Variants in ANO2 observed in about 807,000 individuals in gnomAD.
The protein encoded by ANO2 is anoctamin 2, also known as anoctamin-2.
Under a neutral mutation model 124.2 loss-of-function variants are expected in ANO2, and 101 were observed. The ratio of observed to expected loss-of-function variants is 0.81; its 90% CI spans 0.69 to 0.96. The LOEUF (loss-of-function observed/expected upper bound fraction) is 0.96, where lower values mean the gene tolerates loss of function less well. ANO2 is among the 40% of genes least tolerant of loss of function. ANO2 has a pLI of 0.00. For synonymous variants in ANO2, 486 were observed against 482.5 expected (o/e 1.01, Z -0.09); for missense variants, 1,293 against 1,274.5 (o/e 1.01, Z -0.22).
At chr12:5,914,016 A>G (rs1323138883) in intron 3 of ANO2, among the ~76,000 whole-genome samples, 2 of 152,170 alleles carry the variant, frequency 1.3e-5, no homozygotes, top group Non-Finnish European at 2.9e-5. Context: ...CCTCAGCAAC[A>G]TGGTGAAACC....
At chr12:5,681,161 G>C (rs1392950898) in intron 14 of ANO2, among the ~76,000 whole-genome samples, 1 of 152,184 alleles carries the variant, frequency 6.6e-6, no homozygotes, top group African/African-American at 2.4e-5. Context: ...GCAGGAAAGA[G>C]ACTCCAGGTA....
chr12:5,890,045 ATTT>A (rs111396649), intron 3 of ANO2, among the ~76,000 whole-genome samples: 8 of 144,302 alleles, frequency 5.5e-5, no homozygotes, highest in African/African-American at 1.2e-4. Context: ...TTAAAATTCC[ATTT>A]TTTTTTTTTT....
At chr12:5,725,351 C>G (rs1283203400) in intron 14 of ANO2, among the ~76,000 whole-genome samples, 2 of 152,232 alleles carry the variant, frequency 1.3e-5, no homozygotes, top group East Asian at 1.9e-4. Flanking sequence ...CCCCGATAGC[C>G]TCTCCAACCT....
chr12:5,724,254 C>T (rs187311898), intron 14 of ANO2, among the ~76,000 whole-genome samples: 1 of 152,038 alleles, frequency 6.6e-6, no homozygotes, highest in African/African-American at 2.4e-5. Context: ...CCTTTGCCAA[C>T]GAGAAACCCT....
chr12:5,750,195 A>G (rs1394332121), intron 11 of ANO2, among the ~76,000 whole-genome samples: 1 of 151,984 alleles, frequency 6.6e-6, no homozygotes, highest in African/African-American at 2.4e-5. Flanking sequence ...TTGGCCTCCC[A>G]AAGCACTGGG....
At chr12:5,611,267 C>A (rs1944533715) in intron 19 of ANO2, among the ~76,000 whole-genome samples, 1 of 152,146 alleles carries the variant, frequency 6.6e-6, no homozygotes, top group Non-Finnish European at 1.5e-5. Flanking sequence ...CCACACCTGG[C>A]CAGAAACCTC....
At chr12:5,896,098 T>C (rs1339443099) in intron 3 of ANO2, among the ~76,000 whole-genome samples, 1 of 151,912 alleles carries the variant, frequency 6.6e-6, no homozygotes, top group African/African-American at 2.4e-5. Context: ...CACAAAGACA[T>C]AGGAATCATA....
intron 1 of ANO2, among the ~76,000 whole-genome samples, chr12:5,934,315 C>T (rs1942557701): frequency 6.6e-6 from 1 of 152,174 alleles, no homozygotes; most frequent in Non-Finnish European, 1.5e-5. Context: ...AAATGGCCAA[C>T]ATTACTTGGT....
intron 14 of ANO2, among the ~76,000 whole-genome samples, chr12:5,714,657 C>A (rs1949949053): frequency 6.6e-6 from 1 of 152,136 alleles, no homozygotes; most frequent in Non-Finnish European, 1.5e-5. Flanking sequence ...TCTCTTTATT[C>A]TTCTCCTCCT....
chr12:5,869,187 G>A (rs942349230), intron 3 of ANO2, among the ~76,000 whole-genome samples: 9 of 152,066 alleles, frequency 5.9e-5, no homozygotes, highest in Non-Finnish European at 1.3e-4. Flanking sequence ...TCCAAGGCTC[G>A]CTTCCAAAGT....
intron 5 of ANO2, among the ~76,000 whole-genome samples, chr12:5,832,123 C>A (rs1434322326): frequency 1.3e-5 from 2 of 152,194 alleles, no homozygotes; most frequent in Non-Finnish European, 2.9e-5. Context: ...GGTTTTCCTA[C>A]AGAAGATACA....
intron 3 of ANO2, among the ~76,000 whole-genome samples, chr12:5,912,694 G>T (rs1941126684): frequency 6.6e-6 from 1 of 152,150 alleles, no homozygotes; most frequent in South Asian, 2.1e-4. Flanking sequence ...AGAGTTCTTT[G>T]TTGTGTTCCC....
chr12:5,594,576 C>T (rs545022408), intron 20 of ANO2, among the ~76,000 whole-genome samples: 1 of 152,290 alleles, frequency 6.6e-6, no homozygotes, highest in Non-Finnish European at 1.5e-5. Context: ...TGGCTCATGC[C>T]TGTAATCCCA....
intron 19 of ANO2, among the ~76,000 whole-genome samples, chr12:5,606,377 C>T (rs1174026333): frequency 6.6e-6 from 1 of 152,180 alleles, no homozygotes; most frequent in Non-Finnish European, 1.5e-5. Flanking sequence ...TACTGGTATG[C>T]CTTTGACAAC....
chr12:5,819,317 G>C (rs1358035716), intron 7 of ANO2, among the ~76,000 whole-genome samples: 1 of 152,122 alleles, frequency 6.6e-6, no homozygotes, highest in African/African-American at 2.4e-5. Context: ...AACTGCTTGA[G>C]TTTTCTAATT....
At chr12:5,685,216 T>A (rs1948655470) in intron 14 of ANO2, among the ~76,000 whole-genome samples, 1 of 152,104 alleles carries the variant, frequency 6.6e-6, no homozygotes, top group Admixed American at 6.5e-5. Context: ...AAGGGCTTGG[T>A]CCTCAGGTCA....
chr12:5,930,158 G>A (rs992608973), intron 1 of ANO2, among the ~76,000 whole-genome samples: 3 of 151,040 alleles, frequency 2.0e-5, no homozygotes, highest in Non-Finnish European at 2.9e-5. Context: ...TTCCTCACTC[G>A]TCTGCCTTCT....
chr12:5,811,816 A>C (rs191711796), intron 7 of ANO2, among the ~76,000 whole-genome samples: 54 of 152,330 alleles, frequency 3.5e-4, no homozygotes, highest in Non-Finnish European at 1.9e-4. Flanking sequence ...CCAAACTCAC[A>C]AATATTTTCA....
intron 14 of ANO2, among the ~76,000 whole-genome samples, chr12:5,729,621 T>C (rs182453974): frequency 9.0e-4 from 136 of 151,890 alleles, no homozygotes; most frequent in African/African-American, 3.1e-3. Flanking sequence ...ATGTTAAACA[T>C]AGAGTTACCA....
Sources: allele counts gnomAD v4.1 joint callset (sites outside exome capture counted in the v4.1 genomes callset), GRCh38; gene constraint gnomAD v4.1.1; transcripts MANE v1.5; gene names NCBI Gene and HGNC (gene_info 2026-07-23, HGNC 2026-07-21).